The following GLYR1 variants were observed in gnomAD, a reference collection of about 807,000 sequenced individuals.
GLYR1 encodes the protein cytokine-like nuclear factor N-PAC.
GLYR1 carries 21 observed loss-of-function variants against 72.7 expected under a neutral mutation model. That is an observed-to-expected ratio of 0.29 (90% CI 0.20 to 0.42). The LOEUF is 0.42. Ranked by LOEUF, GLYR1 falls within the 10% of genes least tolerant of loss-of-function variation. GLYR1 has a pLI of 1.00. For synonymous variants in GLYR1, 392 were observed against 270.2 expected (o/e 1.45, Z -4.42); for missense variants, 594 against 712.1 (o/e 0.83, Z 1.89).
chr16:4,822,552 A>C (rs536230949), intron 7 of GLYR1, among the ~76,000 whole-genome samples: 2 of 152,168 alleles, frequency 1.3e-5, no homozygotes, highest in Non-Finnish European at 2.9e-5. Flanking sequence ...CACCATGCCC[A>C]GCTAATTTTT....
chr16:4,834,834 G>C (rs144964052), intron 3 of GLYR1, among the ~76,000 whole-genome samples: 7 of 152,272 alleles, frequency 4.6e-5, no homozygotes, highest in Non-Finnish European at 8.8e-5. Flanking sequence ...TCTGCTGGGA[G>C]GAAAAGTGGA....
At chr16:4,832,338 C>T in intron 4 of GLYR1, 117 bp from the exon 5 acceptor site, 1 of 1,237,654 alleles carries the variant, frequency 8.1e-7, no homozygotes, top group African/African-American at 1.5e-5. Flanking sequence ...CTCACAATGA[C>T]CCTAGAAATA....
intron 5 of GLYR1, among the ~76,000 whole-genome samples, chr16:4,830,915 C>A (rs1374352659): frequency 6.6e-6 from 1 of 152,134 alleles, no homozygotes; most frequent in East Asian, 1.9e-4. Flanking sequence ...ATTCCACTGC[C>A]CGGACTCAAC....
rs895507088 is a variant in GLYR1 at position 4,803,503 on chromosome 16, G to A, written c.*1733C>T. 4.6e-5 allele frequency: 7 copies of A among 152,590 alleles called. No homozygotes were observed. The highest frequency in any genetic ancestry group is 8.8e-5 in the Non-Finnish European group (6 of 68,030). 9.5% of individuals were successfully genotyped at this position (152,590 alleles called of 1,614,324 possible). ...GCTTAAACAGAAATATTCATAAAAA[G>A]GAACTTTACAGAATTGTCAACAATA... On this transcript the variant is annotated 3_prime_UTR_variant, in exon 16 of 16. Coordinates refer to ENST00000321919, the MANE Select transcript of GLYR1 (RefSeq NM_032569.4).
At position 4,823,826 on chromosome 16, in the gene GLYR1, T is replaced by C; in HGVS notation, c.619A>G (p.Ser207Gly). ...CCTGCAGGAGAGCTCCTTACCTCGC[T>C]TGCGGTTGGCTGCCATTTAAACGCG... ...MAAFKWQPTA[S>G]EPVKDADPHF... is the part of the protein sequence containing the mutation. Residue 207 changes from serine (S) to glycine (G), a missense_variant, in exon 6 of 16, where the codon AGC (serine) becomes GGC (glycine). Ser to Gly is a moderately conservative substitution (Grantham distance 56, BLOSUM62 0). Coordinates refer to ENST00000321919, the MANE Select transcript of GLYR1 (RefSeq NM_032569.4). 2.5e-6 allele frequency: 4 copies of C among 1,613,408 alleles called. No homozygotes were observed. The highest frequency in any genetic ancestry group is 3.4e-6 in the Non-Finnish European group (4 of 1,179,934).
chr16:4,806,759 G>T (rs1433146217), intron 15 of GLYR1, among the ~76,000 whole-genome samples: 1 of 151,372 alleles, frequency 6.6e-6, no homozygotes, highest in African/African-American at 2.4e-5. Context: ...GAATGCAGAG[G>T]CAAAGTAAAA....
chr16:4,808,562 C>T lies in GLYR1; in HGVS notation c.1587+2608G>A, dbSNP rs184595891. ...GCAGTGAGCCGAGATTACACCATTG[C>T]ACTCCAGCTTGGGCAACAAGGGTGA... On this transcript the variant is annotated intron_variant, in intron 15 of 15. Transcript: ENST00000321919. Among the ~76,000 whole-genome samples, 927 of 152,212 alleles carry T rather than the reference C, an allele frequency of 6.1e-3. 6 individuals are homozygous for T. The highest frequency in any genetic ancestry group is 0.014 in the Middle Eastern group (4 of 294).
chr16:4,844,936 T>C, intron 3 of GLYR1, 138 bp downstream of exon 3: 1 of 652,030 alleles, frequency 1.5e-6, no homozygotes, highest in Non-Finnish European at 2.7e-6. Flanking sequence ...TATTTAGGTA[T>C]GAAGGCAGAA....
At chr16:4,818,970 T>G (rs766050967) in intron 9 of GLYR1, among the ~76,000 whole-genome samples, 21 of 152,290 alleles carry the variant, frequency 1.4e-4, no homozygotes, top group Middle Eastern at 3.4e-3. Context: ...GCCTGCTCCT[T>G]CCTGCAACCC....
intron 3 of GLYR1, 25 bp from the exon 4 acceptor site, chr16:4,832,937 G>C (rs2084888733): frequency 1.9e-6 from 3 of 1,600,532 alleles, no homozygotes; most frequent in South Asian, 2.3e-5. Flanking sequence ...ACACAAAAAG[G>C]GTGTGAACCA....
intron 2 of GLYR1, among the ~76,000 whole-genome samples, chr16:4,845,959 A>T (rs1936508743): frequency 6.6e-6 from 1 of 152,254 alleles, no homozygotes; most frequent in Non-Finnish European, 1.5e-5. Context: ...AACCTCCTCT[A>T]AATCCAGAAA....
intron 15 of GLYR1, among the ~76,000 whole-genome samples, chr16:4,807,871 G>A (rs28747375): frequency 1.3e-5 from 2 of 152,354 alleles, no homozygotes; most frequent in East Asian, 3.9e-4. Context: ...ACTTGAAATA[G>A]TAATGTAATC....
intron 10 of GLYR1, among the ~76,000 whole-genome samples, chr16:4,815,826 G>A (rs1419354274): frequency 6.6e-6 from 1 of 151,938 alleles, no homozygotes; most frequent in African/African-American, 2.4e-5. Context: ...CTGTCGCCCA[G>A]GATGGAGTGC....
In GLYR1 at chr16:4,812,707, T is replaced by G. The variant is rs189360780; in HGVS notation, c.1120-459A>C. Among the ~76,000 whole-genome samples, 886 of 151,682 alleles carry G rather than the reference T, an allele frequency of 5.8e-3. 7 individuals carry two copies. The highest frequency in any genetic ancestry group is 0.03 in the South Asian group (145 of 4,798). ...CAGGTTTCACCATATTAGCCAGGAT[T>G]GTCTTGATCTCCTGACCTTGTGATC... On this transcript the variant is annotated intron_variant, in intron 12 of 15. Transcript: ENST00000321919.
rs1025720513 is a variant in GLYR1, at chr16:4,805,061, G to A, written c.*175C>T. The A allele has an allele frequency of 9.7e-6, 6 of 617,026 alleles. No individual in the cohort carries two copies. The highest frequency in any genetic ancestry group is 2.5e-5 in the Admixed American group (1 of 39,790). 38.2% of individuals were successfully genotyped at this position (617,026 alleles called of 1,614,324 possible). ...TGCTGACACTTGTCCCCTCCCCACC[G>A]GCCTCAGGGGAAGGGTGCTGCTGTG... On this transcript the variant is annotated 3_prime_UTR_variant, in exon 16 of 16. Transcript: ENST00000321919.
intron 4 of GLYR1, 181 bp downstream of exon 4, chr16:4,832,593 G>C: frequency 4.1e-6 from 3 of 728,156 alleles, no homozygotes; most frequent in South Asian, 2.2e-5. Context: ...ACTCCAGAAA[G>C]GTTAGCTGCA....
intron 15 of GLYR1, among the ~76,000 whole-genome samples, chr16:4,807,686 T>C (rs867473008): frequency 2.0e-5 from 3 of 152,314 alleles, no homozygotes; most frequent in Middle Eastern, 6.8e-3. Flanking sequence ...AATCCTGTAG[T>C]CAGGGTGGAG....
At chr16:4,806,805 C>CT (rs546117839) in intron 15 of GLYR1, among the ~76,000 whole-genome samples, 10,192 of 140,928 alleles carry the variant, frequency 0.072, 379 homozygotes, top group African/African-American at 0.11. Flanking sequence ...ATTCTTTTTT[C>CT]TTTTTTTTTT....
chr16:4,806,955 C>T (rs573302351), intron 15 of GLYR1, among the ~76,000 whole-genome samples: 55 of 151,248 alleles, frequency 3.6e-4, no homozygotes, highest in African/African-American at 1.1e-3. Context: ...TACAGGCGCC[C>T]GCCACCACGC....
Sources: allele counts gnomAD v4.1 joint callset (sites outside exome capture counted in the v4.1 genomes callset), GRCh38; gene constraint gnomAD v4.1.1; transcripts MANE v1.5; gene names NCBI Gene and HGNC (gene_info 2026-07-23, HGNC 2026-07-21).